The following SOX5 variants were observed in gnomAD, a reference collection of about 807,000 sequenced individuals.
The protein encoded by SOX5 is SRY-box transcription factor 5, also known as transcription factor SOX-5.
Under a neutral mutation model 92.0 loss-of-function variants are expected in SOX5, and 9 were observed. The ratio of observed to expected loss-of-function variants is 0.10; its 90% CI spans 0.06 to 0.17. The LOEUF (loss-of-function observed/expected upper bound fraction) is 0.17. SOX5 is among the 10% of genes least tolerant of loss of function. The pLI is 1.00. For missense variants in SOX5, 642 were observed against 944.5 expected (o/e 0.68, Z 4.20); for synonymous variants, 344 against 336.3 (o/e 1.02, Z -0.25).
At chr12:24,526,283 A>G in intron 1 of SOX5, among the ~76,000 whole-genome samples, 1 of 151,802 alleles carries the variant, frequency 6.6e-6, no homozygotes, top group East Asian at 1.9e-4. Flanking sequence ...AAAAAATAAC[A>G]AGTTAGCAGG....
At chr12:23,965,182 C>T (rs923779312) in intron 4 of SOX5, among the ~76,000 whole-genome samples, 1 of 152,210 alleles carries the variant, frequency 6.6e-6, no homozygotes, top group East Asian at 1.9e-4. Flanking sequence ...CCCTGCCTGC[C>T]AACTGACCTT....
intron 2 of SOX5, among the ~76,000 whole-genome samples, chr12:23,891,554 T>C (rs2097129821): frequency 6.6e-6 from 1 of 152,160 alleles, no homozygotes. Context: ...CTCTTCTTTA[T>C]TTAAGAATGG....
chr12:24,277,917 G>A (rs1944684153), intron 2 of SOX5, among the ~76,000 whole-genome samples: 1 of 152,094 alleles, frequency 6.6e-6, no homozygotes, highest in African/African-American at 2.4e-5. Context: ...TTCTCTGAGT[G>A]CCGTGCTCAG....
intron 1 of SOX5, among the ~76,000 whole-genome samples, chr12:24,496,187 G>C (rs1947618861): frequency 6.6e-6 from 1 of 152,112 alleles, no homozygotes. Flanking sequence ...TCATTTTCAA[G>C]CAACTCCTAC....
intron 3 of SOX5, among the ~76,000 whole-genome samples, chr12:24,239,875 T>C (rs1485955240): frequency 6.6e-6 from 1 of 152,206 alleles, no homozygotes; most frequent in Non-Finnish European, 1.5e-5. Flanking sequence ...CCATTCTCTT[T>C]GAAGCCGATG....
intron 3 of SOX5, among the ~76,000 whole-genome samples, chr12:23,839,662 A>C (rs1323687778): frequency 6.6e-6 from 1 of 152,154 alleles, no homozygotes; most frequent in Non-Finnish European, 1.5e-5. Flanking sequence ...ATTTATTCCA[A>C]GTTTGCAAAG....
chr12:23,926,387 G>A (rs1159115727), intron 1 of SOX5, among the ~76,000 whole-genome samples: 12 of 152,020 alleles, frequency 7.9e-5, no homozygotes, highest in Non-Finnish European at 1.5e-5. Flanking sequence ...TTTCAGGCAA[G>A]AAATCATCTA....
At chr12:24,260,861 A>G (rs1357819448) in intron 3 of SOX5, among the ~76,000 whole-genome samples, 3 of 152,220 alleles carry the variant, frequency 2.0e-5, no homozygotes, top group Non-Finnish European at 4.4e-5. Flanking sequence ...ATGAAGCACT[A>G]TACTATTAAG....
chr12:23,918,736 G>A (rs569209238), intron 1 of SOX5, among the ~76,000 whole-genome samples: 1 of 151,822 alleles, frequency 6.6e-6, no homozygotes, highest in Non-Finnish European at 1.5e-5. Flanking sequence ...GGCCAACGTG[G>A]TGAAACCCCG....
In SOX5 at chr12:23,892,867, GA is replaced by G; in HGVS notation, c.270+2925del. 1.3e-5 allele frequency among the ~76,000 whole-genome samples: 2 copies of G among 152,234 alleles called. 1 individual carries two copies. Among genetic ancestry groups the G allele is most frequent in the African/African-American group, 4.8e-5 (2 of 41,550 alleles). On this transcript the variant is annotated intron_variant, in intron 2 of 14. Transcript: ENST00000451604. Reference sequence around the variant, plus strand: ...TGCTACTCTGATATGCTGACATATAGAAAAATTCTCAATTCGTTTTTAGGAG... The same window carrying G: ...TGCTACTCTGATATGCTGACATATAGAAAATTCTCAATTCGTTTTTAGGAG...
At chr12:23,778,464 T>C (rs945229330) in intron 3 of SOX5, among the ~76,000 whole-genome samples, 2 of 152,150 alleles carry the variant, frequency 1.3e-5, no homozygotes, top group Non-Finnish European at 2.9e-5. Flanking sequence ...AGAGAAAGCC[T>C]AGCATGTTTC....
intron 4 of SOX5, among the ~76,000 whole-genome samples, chr12:24,134,538 C>A (rs1401324917): frequency 6.6e-6 from 1 of 152,092 alleles, no homozygotes; most frequent in Non-Finnish European, 1.5e-5. Flanking sequence ...AACACATGCA[C>A]ACACACACAT....
intron 4 of SOX5, among the ~76,000 whole-genome samples, chr12:23,997,849 G>A (rs987537429): frequency 2.0e-5 from 3 of 152,112 alleles, no homozygotes; most frequent in African/African-American, 7.2e-5. Flanking sequence ...AGAAACATTA[G>A]GCAGAGACAT....
chr12:23,577,789 C>T (rs1048153842), intron 9 of SOX5, among the ~76,000 whole-genome samples: 1 of 151,852 alleles, frequency 6.6e-6, no homozygotes, highest in Non-Finnish European at 1.5e-5. Context: ...ACTGATGCAA[C>T]ATTTAATTTG....
chr12:23,869,498 C>T (rs2096850660), intron 2 of SOX5, among the ~76,000 whole-genome samples: 2 of 152,192 alleles, frequency 1.3e-5, no homozygotes, highest in Admixed American at 1.3e-4. Flanking sequence ...CACTGAAACC[C>T]CACCAGCCTA....
chr12:24,080,589 C>T (rs903334566), intron 4 of SOX5, among the ~76,000 whole-genome samples: 11 of 151,980 alleles, frequency 7.2e-5, no homozygotes, highest in Non-Finnish European at 1.5e-4. Flanking sequence ...TGTCTATTTA[C>T]TTCACCCAGG....
intron 2 of SOX5, among the ~76,000 whole-genome samples, chr12:23,854,193 A>C (rs1264167773): frequency 6.6e-6 from 1 of 152,132 alleles, no homozygotes; most frequent in Non-Finnish European, 1.5e-5. Flanking sequence ...TATCCCACAT[A>C]GCAATAAATG....
intron 1 of SOX5, among the ~76,000 whole-genome samples, chr12:24,434,929 C>G (rs1391720522): frequency 6.6e-6 from 1 of 152,180 alleles, no homozygotes; most frequent in Non-Finnish European, 1.5e-5. Context: ...CAGTCTGTGT[C>G]CCTCAAATAC....
At chr12:24,222,325 A>G (rs1236347683) in intron 3 of SOX5, among the ~76,000 whole-genome samples, 1 of 152,170 alleles carries the variant, frequency 6.6e-6, no homozygotes, top group Non-Finnish European at 1.5e-5. Context: ...CTATTTTAAT[A>G]TTCCAGGCAA....
Sources: gnomAD v4.1 joint callset for allele counts (sites outside exome capture counted in the v4.1 genomes callset) on GRCh38, gnomAD v4.1.1 for gene constraint, MANE v1.5 for transcripts, NCBI Gene and HGNC (gene_info 2026-07-23, HGNC 2026-07-21) for gene names.